BCHE: variants seen among roughly 807,000 people sequenced by gnomAD.
BCHE encodes the protein cholinesterase.
A neutral mutation model predicts 51.3 loss-of-function variants in BCHE; 48 were observed. The observed-to-expected ratio is 0.94, with a 90% CI of 0.74 to 1.19. The LOEUF (loss-of-function observed/expected upper bound fraction) is 1.19, where lower values mean the gene tolerates loss of function less well. BCHE is among the 50% of genes most tolerant of loss of function. The pLI is 0.00. For missense variants in BCHE, 847 were observed against 708.2 expected (o/e 1.20, Z -2.23); for synonymous variants, 251 against 238.0 (o/e 1.05, Z -0.50).
At chr3:165,815,296 C>A (rs1457198562) in intron 2 of BCHE, among the ~76,000 whole-genome samples, 1 of 150,608 alleles carries the variant, frequency 6.6e-6, no homozygotes, top group Non-Finnish European at 1.5e-5. Flanking sequence ...TTGCTCTTTT[C>A]CTTCCCTAGT....
At chr3:165,819,553 TA>T (rs2108227534) in intron 2 of BCHE, among the ~76,000 whole-genome samples, 1 of 152,290 alleles carries the variant, frequency 6.6e-6, no homozygotes, top group African/African-American at 2.4e-5. Context: ...CACTACTTTT[TA>T]TATGGTTTAT....
intron 2 of BCHE, among the ~76,000 whole-genome samples, chr3:165,806,971 A>G (rs766816603): frequency 4.6e-4 from 70 of 152,204 alleles, no homozygotes; most frequent in Admixed American, 2.1e-3. Context: ...AATAAATACA[A>G]TCAAAATCTC....
At chr3:165,783,468 C>T (rs1712795632) in intron 3 of BCHE, among the ~76,000 whole-genome samples, 1 of 152,108 alleles carries the variant, frequency 6.6e-6, no homozygotes. Flanking sequence ...TCAACATTTT[C>T]TCCAAATCAC....
chr3:165,798,177 T>C (rs925322143), intron 2 of BCHE, among the ~76,000 whole-genome samples: 10 of 152,162 alleles, frequency 6.6e-5, no homozygotes, highest in African/African-American at 2.4e-4. Context: ...ATTAGACTAA[T>C]TGTATTAGAA....
chr3:165,797,319 T>TCTTC, intron 2 of BCHE, among the ~76,000 whole-genome samples: 2 of 76,020 alleles, frequency 2.6e-5, no homozygotes, highest in Non-Finnish European at 5.4e-5. Flanking sequence ...CTTCCTTCCT[T>TCTTC]CCTTCCTTCC....
At chr3:165,785,757 T>C (rs892748042) in intron 3 of BCHE, among the ~76,000 whole-genome samples, 2 of 151,692 alleles carry the variant, frequency 1.3e-5, no homozygotes, top group African/African-American at 4.8e-5. Context: ...TTTTTACCAA[T>C]TTATGCATCT....
At position 165,830,537 on chromosome 3, in the gene BCHE, C is replaced by CT. The variant is rs775417513; in HGVS notation, c.496dup (p.Arg166LysfsTer10). Reference sequence around the variant, plus strand: ...ATAGTTCATTGACACTACAATAACTCTTTCAACCCGAGCCAGAAACTTGCC... The same window carrying CT: ...ATAGTTCATTGACACTACAATAACTCTTTTCAACCCGAGCCAGAAACTTGCC... On this transcript the variant is annotated frameshift_variant, in exon 2 of 4. Coordinates refer to ENST00000264381, the MANE Select transcript of BCHE (RefSeq NM_000055.4). LOFTEE classifies it high-confidence loss of function. The CT allele has an allele frequency of 1.2e-6, 2 of 1,613,900 alleles. No individual in the cohort carries two copies. Among genetic ancestry groups the CT allele is most frequent in the Non-Finnish European group, 1.7e-6 (2 of 1,179,860 alleles).
At chr3:165,789,267 G>T (rs1030538472) in intron 2 of BCHE, among the ~76,000 whole-genome samples, 1 of 151,144 alleles carries the variant, frequency 6.6e-6, no homozygotes, top group South Asian at 2.1e-4. Context: ...AGGTTTGAAA[G>T]GTTTTAAGAC....
At chr3:165,789,608 T>C (rs1295583118) in intron 2 of BCHE, among the ~76,000 whole-genome samples, 1 of 152,160 alleles carries the variant, frequency 6.6e-6, no homozygotes, top group African/African-American at 2.4e-5. Flanking sequence ...TTTAATTAGC[T>C]TTAAAATCTA....
chr3:165,782,572 A>G (rs1712749482), intron 3 of BCHE, among the ~76,000 whole-genome samples: 1 of 152,154 alleles, frequency 6.6e-6, no homozygotes, highest in African/African-American at 2.4e-5. Flanking sequence ...TGTCTAGCCA[A>G]AAAGGACACT....
intron 2 of BCHE, among the ~76,000 whole-genome samples, chr3:165,807,457 A>G (rs1378925732): frequency 6.6e-6 from 1 of 151,944 alleles, no homozygotes; most frequent in Admixed American, 6.6e-5. Flanking sequence ...TCAGCGGCAT[A>G]GTACACTCAG....
chr3:165,786,529 T>C (rs1382220783), intron 2 of BCHE, among the ~76,000 whole-genome samples: 1 of 151,820 alleles, frequency 6.6e-6, no homozygotes, highest in Non-Finnish European at 1.5e-5. Flanking sequence ...AAATTTAAAG[T>C]TGAATTTTTT....
chr3:165,835,404 C>G (rs1489233385), intron 1 of BCHE, among the ~76,000 whole-genome samples: 1 of 151,588 alleles, frequency 6.6e-6, no homozygotes, highest in Admixed American at 6.6e-5. Flanking sequence ...AGCAAATATT[C>G]AAAATATTTT....
At chr3:165,828,084 GGAAATA>G (rs1239502054) in intron 2 of BCHE, 4 of 455,592 alleles carry the variant, frequency 8.8e-6, no homozygotes, top group South Asian at 6.2e-5. Context: ...CAATGAAAGA[GGAAATA>G]GACAAGTTAC....
At position 165,776,962 on chromosome 3, in the gene BCHE, G is replaced by T. The variant is rs182675919; in HGVS notation, c.1685-3456C>A. 6.9e-3 allele frequency among the ~76,000 whole-genome samples: 1,050 copies of T among 151,412 alleles called. 4 individuals carry two copies. The highest frequency in any genetic ancestry group is 0.048 in the Middle Eastern group (14 of 294). On this transcript the variant is annotated intron_variant, in intron 3 of 3. Coordinates refer to ENST00000264381, the MANE Select transcript of BCHE (RefSeq NM_000055.4). ...CATTTAAATAATACATGTAAAATAC[G>T]GTAATATAGAGAAGTGAAGATAAAA...
intron 2 of BCHE, among the ~76,000 whole-genome samples, chr3:165,819,683 TG>T: frequency 6.6e-6 from 1 of 152,252 alleles, no homozygotes. Context: ...TTGTCTTCTG[TG>T]TTTGTAGTTT....
intron 3 of BCHE, among the ~76,000 whole-genome samples, chr3:165,785,700 T>C (rs1479030067): frequency 6.6e-6 from 1 of 151,640 alleles, no homozygotes; most frequent in African/African-American, 2.4e-5. Context: ...ACTTCGGAGT[T>C]TTTTTCTCCA....
At chr3:165,806,604 T>A (rs369620959) in intron 2 of BCHE, among the ~76,000 whole-genome samples, 11 of 152,168 alleles carry the variant, frequency 7.2e-5, no homozygotes, top group African/African-American at 2.7e-4. Flanking sequence ...TAGTAAATCA[T>A]ACAGATGTGA....
chr3:165,809,343 G>A (rs1713990437), intron 2 of BCHE, among the ~76,000 whole-genome samples: 1 of 152,040 alleles, frequency 6.6e-6, no homozygotes, highest in African/African-American at 2.4e-5. Flanking sequence ...TTTTAAACAT[G>A]TATGAGAGTT....
Sources: allele counts gnomAD v4.1 joint callset (sites outside exome capture counted in the v4.1 genomes callset), GRCh38; gene constraint gnomAD v4.1.1; transcripts MANE v1.5; gene names NCBI Gene and HGNC (gene_info 2026-07-23, HGNC 2026-07-21).